The following ABCC9 variants were observed in gnomAD, a reference collection of about 807,000 sequenced individuals.
The protein encoded by ABCC9 is ATP-binding cassette sub-family C member 9.
In ABCC9, 95 loss-of-function variants were observed where a neutral mutation model predicts 188.3. The observed-to-expected ratio is 0.50, with a 90% CI of 0.43 to 0.60. The LOEUF (loss-of-function observed/expected upper bound fraction) is 0.60. Ranked by LOEUF, ABCC9 falls within the 20% of genes least tolerant of loss-of-function variation. The pLI, the probability that ABCC9 is intolerant of heterozygous loss-of-function variation, is 0.00. For missense variants in ABCC9, 1,102 were observed against 1,876.3 expected (o/e 0.59, Z 7.62); for synonymous variants, 659 against 652.7 (o/e 1.01, Z -0.15).
chr12:21,859,538 C>T, intron 22 of ABCC9, 48 bp downstream of exon 22: 1 of 1,567,262 alleles, frequency 6.4e-7, no homozygotes, highest in Non-Finnish European at 8.8e-7. Context: ...ACTCATTTGT[C>T]CAGATGGAAG....
chr12:21,928,461 AAAGGAAGG>A (rs200544460), intron 4 of ABCC9, among the ~76,000 whole-genome samples: 2 of 144,472 alleles, frequency 1.4e-5, no homozygotes, highest in Non-Finnish European at 3.0e-5. Flanking sequence ...AGGGAGGAAG[AAAGGAAGG>A]AAGGAAGGAA....
At chr12:21,857,126 G>T (rs1054493075) in intron 22 of ABCC9, among the ~76,000 whole-genome samples, 3 of 152,094 alleles carry the variant, frequency 2.0e-5, no homozygotes, top group Non-Finnish European at 2.9e-5. Flanking sequence ...TCAATAAGTT[G>T]CAATGGAGTA....
At chr12:21,840,865 A>G (rs1210328467) in intron 29 of ABCC9, among the ~76,000 whole-genome samples, 1 of 152,364 alleles carries the variant, frequency 6.6e-6, no homozygotes, top group Admixed American at 6.5e-5. Flanking sequence ...GAAATGTTAT[A>G]TGATACATTC....
At chr12:21,912,764 T>TG (rs1948379366) in intron 8 of ABCC9, 108 bp downstream of exon 8, 1 of 602,934 alleles carries the variant, frequency 1.7e-6, no homozygotes, top group Admixed American at 4.0e-5. Context: ...TTCAATTCTC[T>TG]GAAAAAAAGC....
intron 5 of ABCC9, chr12:21,923,892 G>T: frequency 7.3e-6 from 5 of 688,280 alleles, no homozygotes; most frequent in Non-Finnish European, 1.1e-5. Flanking sequence ...ACAAGGGATT[G>T]AAAAAACTAT....
At chr12:21,841,897 C>T (rs1944413025) in intron 29 of ABCC9, among the ~76,000 whole-genome samples, 1 of 152,074 alleles carries the variant, frequency 6.6e-6, no homozygotes, top group South Asian at 2.1e-4. Context: ...TTTCTAAATT[C>T]CACATCTTAT....
At chr12:21,836,338 T>C (rs898582811) in intron 30 of ABCC9, among the ~76,000 whole-genome samples, 1 of 152,222 alleles carries the variant, frequency 6.6e-6, no homozygotes, top group African/African-American at 2.4e-5. Flanking sequence ...CACTGGCCTC[T>C]ACTATGGTTT....
Position 21,852,544 on chromosome 12 carries a change from A to G in ABCC9, c.2506-39T>C, listed in dbSNP as rs780196060. 6.2e-6 allele frequency: 10 copies of G among 1,602,296 alleles called. No individual in the cohort carries two copies. In the South Asian group the frequency reaches 6.6e-5, roughly 11 times the overall value. On this transcript the variant is annotated intron_variant, in intron 22 of 39. Transcript: ENST00000261200. ...AATGGAGGAAAGATGGACGTTTTCT[A>G]TACTTGTTACATAACTCAATTCCTC...
At chr12:21,860,918 G>T in intron 21 of ABCC9, 53 bp downstream of exon 21, 1 of 1,361,772 alleles carries the variant, frequency 7.3e-7, no homozygotes, top group Non-Finnish European at 1.0e-6. Flanking sequence ...AAGACAACCA[G>T]AAGACTTTTC....
At chr12:21,875,164 A>G (rs1239019015) in intron 17 of ABCC9, among the ~76,000 whole-genome samples, 1 of 152,226 alleles carries the variant, frequency 6.6e-6, no homozygotes, top group Non-Finnish European at 1.5e-5. Flanking sequence ...TTTCACAGGT[A>G]TACACATATG....
intron 14 of ABCC9, among the ~76,000 whole-genome samples, chr12:21,890,229 A>T: frequency 6.6e-6 from 1 of 152,138 alleles, no homozygotes; most frequent in East Asian, 1.9e-4. Context: ...ATATTTTTAA[A>T]ATGCAAATCT....
chr12:21,882,666 C>T, intron 16 of ABCC9, 100 bp downstream of exon 16: 2 of 1,096,190 alleles, frequency 1.8e-6, no homozygotes, highest in Non-Finnish European at 2.8e-6. Flanking sequence ...ACTGTAAAAA[C>T]AATTTAAAGG....
intron 32 of ABCC9, among the ~76,000 whole-genome samples, chr12:21,817,674 C>T (rs966658194): frequency 3.9e-5 from 6 of 152,148 alleles, no homozygotes; most frequent in Non-Finnish European, 5.9e-5. Context: ...TTGGAGAGTA[C>T]TCTGACCACA....
chr12:21,810,339 G>C (rs1423746717), intron 36 of ABCC9, among the ~76,000 whole-genome samples: 1 of 152,096 alleles, frequency 6.6e-6, no homozygotes, highest in Non-Finnish European at 1.5e-5. Flanking sequence ...CACTATTTTA[G>C]ATCAGCTGTG....
At chr12:21,810,674 A>G (rs1354148295) in intron 36 of ABCC9, among the ~76,000 whole-genome samples, 1 of 152,146 alleles carries the variant, frequency 6.6e-6, no homozygotes, top group Non-Finnish European at 1.5e-5. Flanking sequence ...GGTCCCTCCC[A>G]TGACACTTGA....
chr12:21,881,138 A>G (rs1481647172), intron 16 of ABCC9, among the ~76,000 whole-genome samples: 3 of 152,182 alleles, frequency 2.0e-5, no homozygotes, highest in Non-Finnish European at 4.4e-5. Context: ...AATGATGACT[A>G]TAATTGCCAC....
intron 16 of ABCC9, among the ~76,000 whole-genome samples, chr12:21,882,461 A>G (rs1038385159): frequency 2.6e-5 from 4 of 152,182 alleles, no homozygotes; most frequent in African/African-American, 7.2e-5. Context: ...TCATTAATCA[A>G]TTTATTTGGT....
chr12:21,884,219 A>G (rs1386622605), intron 15 of ABCC9, among the ~76,000 whole-genome samples: 1 of 151,708 alleles, frequency 6.6e-6, no homozygotes, highest in African/African-American at 2.4e-5. Context: ...CTACAGGTGC[A>G]TTTGCCACCA....
intron 24 of ABCC9, 74 bp downstream of exon 24, chr12:21,852,023 G>T: frequency 6.4e-7 from 1 of 1,557,500 alleles, no homozygotes; most frequent in South Asian, 1.1e-5. Context: ...TTTTTAAAAA[G>T]CATTCTTAGT....
Sources: gnomAD v4.1 joint callset for allele counts (sites outside exome capture counted in the v4.1 genomes callset) on GRCh38, gnomAD v4.1.1 for gene constraint, MANE v1.5 for transcripts, NCBI Gene and HGNC (gene_info 2026-07-23, HGNC 2026-07-21) for gene names.